THEMIS2: variants seen among roughly 807,000 people sequenced by gnomAD.
The protein encoded by THEMIS2 is thymocyte selection associated family member 2.
In THEMIS2, 29 loss-of-function variants were observed where a neutral mutation model predicts 46.8. The observed-to-expected ratio is 0.62, with a 90% CI of 0.46 to 0.84. THEMIS2 has a LOEUF of 0.84. Among genes scored for constraint, THEMIS2 ranks in the 40% least tolerant of loss-of-function variants. THEMIS2 has a pLI of 0.00. For synonymous variants in THEMIS2, 335 were observed against 349.1 expected (o/e 0.96, Z 0.45); for missense variants, 698 against 834.7 (o/e 0.84, Z 2.02).
At chr1:27,884,830 A>T (rs1488960211) in intron 4 of THEMIS2, 1 of 158,862 alleles carries the variant, frequency 6.3e-6, no homozygotes, top group Non-Finnish European at 1.4e-5. Flanking sequence ...TAAACTGGGA[A>T]TTGAAACCAC....
At chr1:27,881,109 CT>C (rs2089670597) in intron 3 of THEMIS2, among the ~76,000 whole-genome samples, 1 of 151,228 alleles carries the variant, frequency 6.6e-6, no homozygotes, top group African/African-American at 2.4e-5. Context: ...ATTTATTTTT[CT>C]TTTTTCTTAA....
intron 4 of THEMIS2, 115 bp downstream of exon 4, chr1:27,883,158 T>G (rs2089715396): frequency 7.2e-6 from 6 of 835,732 alleles, no homozygotes; most frequent in Non-Finnish European, 9.2e-6. Context: ...GTTTATAAAC[T>G]TGCACACTTT....
intron 2 of THEMIS2, among the ~76,000 whole-genome samples, chr1:27,877,574 G>A (rs1004967443): frequency 2.6e-4 from 40 of 152,136 alleles, no homozygotes; most frequent in African/African-American, 5.1e-4. Context: ...TGATCTGCCC[G>A]CCTTGGCCTC....
In THEMIS2 at chr1:27,881,973, C is replaced by T. The variant is rs375363209; in HGVS notation, c.649C>T (p.Arg217Cys). Residue 217 changes from arginine (R) to cysteine (C), a missense_variant and splice_region_variant, in exon 4 of 6, where the codon CGC becomes TGC. Transcript: ENST00000373921. Reference sequence around the variant, plus strand: ...CACTGAGCTGCCCCTCTCCACAGTGCGCAGGACCATTGTCAAGATCCCTTC... The same window carrying T: ...CACTGAGCTGCCCCTCTCCACAGTGTGCAGGACCATTGTCAAGATCCCTTC... ...QYEIQAIMHM[R>C]RTIVKIPSTL... 1.1e-5 allele frequency: 17 copies of T among 1,608,672 alleles called. No individual in the cohort carries two copies. The highest frequency in any genetic ancestry group is 4.0e-5 in the African/African-American group (3 of 74,896).
intron 4 of THEMIS2, chr1:27,884,892 A>G (rs1467465): frequency 0.62 from 104,398 of 169,658 alleles, 32,910 homozygotes; most frequent in Middle Eastern, 0.8. Context: ...CATCTGGCAC[A>G]TGGGGGAACG....
At chr1:27,878,666 A>C (rs1340273057) in intron 2 of THEMIS2, among the ~76,000 whole-genome samples, 1 of 151,826 alleles carries the variant, frequency 6.6e-6, no homozygotes, top group Admixed American at 6.6e-5. Context: ...TTACATCTAT[A>C]TATTACCCCT....
At chr1:27,881,752 T>G (rs1372465093) in intron 3 of THEMIS2, among the ~76,000 whole-genome samples, 1 of 151,500 alleles carries the variant, frequency 6.6e-6, no homozygotes, top group African/African-American at 2.4e-5. Context: ...TGCTTGAATC[T>G]GGGAGGTGGA....
In THEMIS2 at chr1:27,872,980, G is replaced by A. The variant is rs1251181537; in HGVS notation, c.94+315G>A. On this transcript the variant is annotated intron_variant, in intron 1 of 5. Transcript: ENST00000373921. This position sits in a 1 kb window ranked among gnomAD's most constrained non-coding sequence, Gnocchi z 4.9. ...ATGGGACAGAGCTCCGACCGCGCCG[G>A]GACGCAGCATTAGGCCGCTGGTGGT... Among the ~76,000 whole-genome samples the A allele has an allele frequency of 6.6e-6, 1 of 152,180 alleles. No individual in the cohort carries two copies.
chr1:27,872,744 C>A lies in THEMIS2; in HGVS notation c.94+79C>A. 1 of 1,143,124 alleles carries A rather than the reference C, an allele frequency of 8.7e-7. No homozygotes were observed. Among genetic ancestry groups the A allele is most frequent in the Non-Finnish European group, 1.1e-6 (1 of 896,152 alleles). 70.8% of individuals were successfully genotyped at this position (1,143,124 alleles called of 1,614,324 possible). A position where few individuals can be genotyped will look rare whatever the true frequency, so the allele number is the denominator to read the frequency against. ...GAGACCCGGAGAAGACGTTAGCAAT[C>A]CGGGGAAACTGCCCCTGGGTTCAAA... On this transcript the variant is annotated intron_variant, in intron 1 of 5. Coordinates refer to ENST00000373921, the MANE Select transcript of THEMIS2 (RefSeq NM_001105556.3). This position sits in a 1 kb window ranked among gnomAD's most constrained non-coding sequence, Gnocchi z 4.9.
intron 4 of THEMIS2, 62 bp downstream of exon 4, chr1:27,883,105 A>G: frequency 7.2e-7 from 1 of 1,386,382 alleles, no homozygotes; most frequent in Non-Finnish European, 9.9e-7. Flanking sequence ...CTTCTTTGTC[A>G]TGTCTGCCTG....
At chr1:27,883,097 T>A in intron 4 of THEMIS2, 54 bp downstream of exon 4, 1 of 1,440,170 alleles carries the variant, frequency 6.9e-7, no homozygotes, top group Non-Finnish European at 9.5e-7. Context: ...GATCACTGCT[T>A]CTTTGTCATG....
intron 1 of THEMIS2, among the ~76,000 whole-genome samples, chr1:27,873,329 A>G (rs2148629591): frequency 6.6e-6 from 1 of 152,262 alleles, no homozygotes; most frequent in African/African-American, 2.4e-5. Flanking sequence ...CGGTGAGGGA[A>G]TAACAGACAG....
chr1:27,885,200 C>A, intron 4 of THEMIS2, 95 bp from the exon 5 acceptor site: 1 of 1,318,670 alleles, frequency 7.6e-7, no homozygotes, highest in Non-Finnish European at 1.1e-6. Context: ...GAGAGAGAAG[C>A]AGAGGAAGTG....
Position 27,876,691 on chromosome 1 carries a change from G to A in THEMIS2, c.198G>A (p.Lys66=). Reference sequence around the variant, plus strand: ...AGAAGGTGGTCTGTGAGAACCCGAAGACCAGCCAGACCATGGAGCTCGCCC... The same window carrying A: ...AGAAGGTGGTCTGTGAGAACCCGAAAACCAGCCAGACCATGGAGCTCGCCC... ...RLQKVVCENP[K]TSQTMELAPN... The change falls in exon 2 of 6, where the codon AAG becomes AAA. Residue 66 remains lysine, a synonymous_variant. Coordinates refer to ENST00000373921, the MANE Select transcript of THEMIS2 (RefSeq NM_001105556.3). The A allele has an allele frequency of 1.2e-6, 2 of 1,613,990 alleles. No individual in the cohort carries two copies. Among genetic ancestry groups the A allele is most frequent in the East Asian group, 2.2e-5 (1 of 44,870 alleles).
In THEMIS2 at chr1:27,872,558, G is replaced by A. The variant is rs778932460; in HGVS notation, c.-14G>A. The A allele has an allele frequency of 1.3e-6, 2 of 1,483,910 alleles. No individual in the cohort carries two copies. Among genetic ancestry groups the A allele is most frequent in the African/African-American group, 2.9e-5 (2 of 68,754 alleles). The allele number at this position is 1,483,910 out of a possible 1,614,324, so 91.9% of individuals were successfully genotyped here. On this transcript the variant is annotated 5_prime_UTR_variant, in exon 1 of 6. Transcript: ENST00000373921. This position sits in a 1 kb window ranked among gnomAD's most constrained non-coding sequence, Gnocchi z 4.9. ...GCCCGCCCCTCAGTCTGAGCCCAGA[G>A]AGCCGCGGGGACCATGGAGCCGGTG...
Position 27,872,652 on chromosome 1 carries a change from G to A in THEMIS2, c.81G>A (p.Gly27=). ...SLPRVLRVCS[G]VYFEGSIYEI... Reference sequence around the variant, plus strand: ...CGCGCGTGCTGCGGGTCTGCTCGGGGGTCTACTTCGAGGGTGAGCGGGGGC... The same window carrying A: ...CGCGCGTGCTGCGGGTCTGCTCGGGAGTCTACTTCGAGGGTGAGCGGGGGC... The change falls in exon 1 of 6, where the codon GGG becomes GGA. Residue 27 remains glycine (G), a synonymous_variant. Transcript: ENST00000373921. This position sits in a 1 kb window ranked among gnomAD's most constrained non-coding sequence, Gnocchi z 4.9. 2 of 1,423,342 alleles carry A rather than the reference G, an allele frequency of 1.4e-6. No individual in the cohort carries two copies. The highest frequency in any genetic ancestry group is 3.0e-5 in the East Asian group (1 of 33,592). 88.2% of individuals were successfully genotyped at this position (1,423,342 alleles called of 1,614,324 possible).
chr1:27,877,370 A>G lies in THEMIS2; in HGVS notation c.235+642A>G, dbSNP rs576030773. Among the ~76,000 whole-genome samples the G allele has an allele frequency of 4.6e-5, 7 of 152,136 alleles. No homozygotes were observed. In the South Asian group the frequency reaches 1.5e-3, roughly 32 times the overall value. On this transcript the variant is annotated intron_variant, in intron 2 of 5. Transcript: ENST00000373921. The stretch of plus-strand genomic sequence containing the variant: ...AGATGGAGTCTCGCTCTGTCACCCA[A>G]GCTGGAGTGCAGTGGCGTGATCTGG...
At chr1:27,875,958 C>T (rs919234051) in intron 1 of THEMIS2, among the ~76,000 whole-genome samples, 8 of 151,912 alleles carry the variant, frequency 5.3e-5, no homozygotes, top group Non-Finnish European at 8.8e-5. Context: ...CACCTTGGCC[C>T]CCCAAAGTGC....
rs554437735 is a variant in THEMIS2, at chr1:27,882,481, A to C, written c.1157A>C (p.Gln386Pro). ...VLGPGQAHGA[Q>P]GSDVDVLVCQ... Reference sequence around the variant, plus strand: ...GGGCCTGGCCAGGCCCATGGGGCCCAGGGCAGTGACGTGGATGTCTTGGTT... The same window carrying C: ...GGGCCTGGCCAGGCCCATGGGGCCCCGGGCAGTGACGTGGATGTCTTGGTT... Residue 386 changes from glutamine to proline, a missense_variant, in exon 4 of 6, where the codon CAG becomes CCG. By Grantham distance (76) the Gln-to-Pro change is moderately conservative. Coordinates refer to ENST00000373921, the MANE Select transcript of THEMIS2 (RefSeq NM_001105556.3). The surrounding 1 kb of genome is among the most constrained non-coding windows in gnomAD (Gnocchi z 7.6). 6.2e-7 allele frequency: 1 copy of C among 1,613,302 alleles called. No individual in the cohort carries two copies. The highest frequency in any genetic ancestry group is 8.5e-7 in the Non-Finnish European group (1 of 1,179,368).
Sources: allele counts gnomAD v4.1 joint callset (sites outside exome capture counted in the v4.1 genomes callset), GRCh38; gene constraint gnomAD v4.1.1; non-coding constraint Gnocchi (gnomAD v3.1); transcripts MANE v1.5; gene names NCBI Gene and HGNC (gene_info 2026-07-23, HGNC 2026-07-21).